Variants in SEPTIN7 observed in about 807,000 individuals in gnomAD.
The protein encoded by SEPTIN7 is septin-7.
SEPTIN7 carries 10 observed loss-of-function variants against 63.3 expected under a neutral mutation model. The ratio of observed to expected loss-of-function variants is 0.16; its 90% CI spans 0.10 to 0.27. SEPTIN7 has a LOEUF of 0.27. SEPTIN7 is among the 10% of genes least tolerant of loss of function. The probability of loss-of-function intolerance (pLI) is 1.00; values close to 1 mark genes in which losing one functional copy is unlikely to be tolerated. For synonymous variants in SEPTIN7, 131 were observed against 165.3 expected, an observed-to-expected ratio of 0.79 and a Z score of 1.59; for missense variants, 310 against 521.0, an observed-to-expected ratio of 0.59 and a Z score of 3.94.
chr7:35,835,398 C>T (rs1021806658), intron 3 of SEPTIN7, among the ~76,000 whole-genome samples: 1 of 152,150 alleles, frequency 6.6e-6, no homozygotes, highest in Non-Finnish European at 1.5e-5. Context: ...TATCTGCTAA[C>T]TTACGATTCT....
chr7:35,893,234 T>TCC (rs56329108), intron 11 of SEPTIN7, among the ~76,000 whole-genome samples: 142,873 of 151,952 alleles, frequency 0.94, 67,699 homozygotes, highest in East Asian at 1. Context: ...CATGTGACTC[T>TCC]ATAGCAACGT....
chr7:35,801,040 A>C, upstream of SEPTIN7: 1 of 467,230 alleles, frequency 2.1e-6, no homozygotes, highest in South Asian at 3.9e-5. Flanking sequence ...GGGGCGGGGG[A>C]CGGAGGAGGG....
At chr7:35,886,107 A>G (rs1787228666) in intron 10 of SEPTIN7, among the ~76,000 whole-genome samples, 3 of 152,252 alleles carry the variant, frequency 2.0e-5, no homozygotes, top group South Asian at 4.1e-4. Context: ...TAGTCTCTTT[A>G]TCATTATACT....
chr7:35,868,020 G>A (rs113471074), intron 4 of SEPTIN7, among the ~76,000 whole-genome samples: 1,650 of 151,378 alleles, frequency 0.011, 36 homozygotes, highest in East Asian at 0.08. Context: ...TTACAGGCGC[G>A]TACTACACCT....
chr7:35,883,607 A>G (rs1787038787), intron 8 of SEPTIN7, among the ~76,000 whole-genome samples: 1 of 145,502 alleles, frequency 6.9e-6, no homozygotes. Context: ...GTATGGGACA[A>G]CTTTCTGTAG....
chr7:35,914,913 G>T, the SEPTIN7 span, among the ~76,000 whole-genome samples: 2 of 151,746 alleles, frequency 1.3e-5, no homozygotes, highest in Admixed American at 6.6e-5. Context: ...TGTGTATATA[G>T]ATATGTATTT....
intron 7 of SEPTIN7, among the ~76,000 whole-genome samples, chr7:35,882,021 G>A (rs570784806): frequency 5.9e-5 from 9 of 152,022 alleles, no homozygotes; most frequent in African/African-American, 2.2e-4. Context: ...AGGGAGCAGT[G>A]CTGTACTTAG....
intron 13 of SEPTIN7, 32 bp downstream of exon 13, chr7:35,903,247 G>A (rs780391419): frequency 2.1e-5 from 32 of 1,498,608 alleles, no homozygotes; most frequent in Admixed American, 1.4e-4. Flanking sequence ...AGAAATGTGT[G>A]TATTAATGTT....
intron 10 of SEPTIN7, among the ~76,000 whole-genome samples, chr7:35,890,118 A>G (rs1484439391): frequency 6.6e-6 from 1 of 152,242 alleles, no homozygotes; most frequent in African/African-American, 2.4e-5. Context: ...TTTATATATG[A>G]TAGAAATGCT....
intron 1 of SEPTIN7, among the ~76,000 whole-genome samples, chr7:35,831,135 G>T (rs1305464454): frequency 6.6e-6 from 1 of 151,868 alleles, no homozygotes; most frequent in Non-Finnish European, 1.5e-5. Flanking sequence ...TACCATTTCT[G>T]TAAAACCTCA....
chr7:35,911,241 C>T (rs1276439309), downstream of SEPTIN7, among the ~76,000 whole-genome samples: 1 of 152,182 alleles, frequency 6.6e-6, no homozygotes, highest in African/African-American at 2.4e-5. Flanking sequence ...GTGAGTATTC[C>T]TTCAATAAGG....
At chr7:35,892,935 G>C (rs963246323) in intron 11 of SEPTIN7, among the ~76,000 whole-genome samples, 1 of 152,154 alleles carries the variant, frequency 6.6e-6, no homozygotes, top group Non-Finnish European at 1.5e-5. Flanking sequence ...GAATTAGACT[G>C]TTACTACTTC....
chr7:35,831,772 T>G (rs578064063), intron 2 of SEPTIN7: 9 of 238,992 alleles, frequency 3.8e-5, no homozygotes, highest in South Asian at 3.2e-4. Flanking sequence ...AGCCAAAGAT[T>G]ATGGATGGAA....
At chr7:35,886,405 G>A (rs910261145) in intron 10 of SEPTIN7, among the ~76,000 whole-genome samples, 2 of 134,898 alleles carry the variant, frequency 1.5e-5, no homozygotes, top group South Asian at 5.4e-4. Context: ...GCAGGACATC[G>A]AGGCCATCCT....
chr7:35,883,113 C>T (rs1379651999), intron 8 of SEPTIN7, among the ~76,000 whole-genome samples: 1 of 151,630 alleles, frequency 6.6e-6, no homozygotes, highest in African/African-American at 2.4e-5. Flanking sequence ...TACCCTAATT[C>T]AATCATTACA....
At chr7:35,872,812 TG>T in intron 5 of SEPTIN7, 46 bp downstream of exon 5, 1 of 1,294,014 alleles carries the variant, frequency 7.7e-7, no homozygotes, top group Non-Finnish European at 1.1e-6. Context: ...TTTGGGGTAC[TG>T]GGGTGGTTAA....
downstream of SEPTIN7, among the ~76,000 whole-genome samples, chr7:35,911,480 T>C (rs1305773967): frequency 6.6e-6 from 1 of 152,222 alleles, no homozygotes; most frequent in Non-Finnish European, 1.5e-5. Flanking sequence ...GAAGATTGCA[T>C]TGCAGAACAT....
chr7:35,911,186 A>G (rs1174579974), downstream of SEPTIN7, among the ~76,000 whole-genome samples: 2 of 152,254 alleles, frequency 1.3e-5, no homozygotes, highest in East Asian at 1.9e-4. Context: ...ACCAGTCACA[A>G]TGAGTAATTT....
chr7:35,904,337 C>T lies in SEPTIN7; in HGVS notation c.*44C>T, dbSNP rs749624015. 8 of 1,471,396 alleles carry T rather than the reference C, an allele frequency of 5.4e-6. No individual in the cohort carries two copies. Among genetic ancestry groups the T allele is most frequent in the Non-Finnish European group, 7.4e-6 (8 of 1,087,664 alleles). The allele number at this position is 1,471,396 out of a possible 1,614,324, so 91.1% of individuals were successfully genotyped here. On this transcript the variant is annotated 3_prime_UTR_variant, in exon 14 of 14. Transcript: ENST00000350320. ...GTTAACGTATTAGTTGCCAATATGC[C>T]AGCTTGGACATCAGTGTTTGTTGGA...
Sources: allele counts gnomAD v4.1 joint callset (sites outside exome capture counted in the v4.1 genomes callset), GRCh38; gene constraint gnomAD v4.1.1; transcripts MANE v1.5; gene names NCBI Gene and HGNC (gene_info 2026-07-23, HGNC 2026-07-21).